The following ENTHD1 variants were observed in gnomAD, a reference collection of about 807,000 sequenced individuals.
The protein encoded by ENTHD1 is ENTH domain containing 1, also known as ENTH domain-containing protein 1.
ENTHD1 carries 23 observed loss-of-function variants against 39.1 expected under a neutral mutation model. The observed-to-expected ratio is 0.59, with a 90% CI of 0.42 to 0.83. The LOEUF is 0.83. ENTHD1 is among the 40% of genes least tolerant of loss of function. The pLI, the probability that ENTHD1 is intolerant of heterozygous loss-of-function variation, is 0.00. For synonymous variants in ENTHD1, 230 were observed against 258.2 expected, an observed-to-expected ratio of 0.89 and a Z score of 1.05; for missense variants, 624 against 705.4, an observed-to-expected ratio of 0.88 and a Z score of 1.31.
At chr22:39,864,488 A>T (rs889930718) in intron 2 of ENTHD1, among the ~76,000 whole-genome samples, 2 of 152,090 alleles carry the variant, frequency 1.3e-5, no homozygotes, top group African/African-American at 4.8e-5. Flanking sequence ...CGCATTTATC[A>T]TTACCTAATA....
intron 2 of ENTHD1, among the ~76,000 whole-genome samples, chr22:39,870,533 A>G (rs1434047024): frequency 6.6e-6 from 1 of 152,188 alleles, no homozygotes; most frequent in African/African-American, 2.4e-5. Flanking sequence ...ATGATCTCCA[A>G]AGACGAAGTA....
intron 5 of ENTHD1, among the ~76,000 whole-genome samples, chr22:39,782,038 G>T (rs9941939): frequency 0.06 from 9,191 of 152,246 alleles, 383 homozygotes; most frequent in South Asian, 0.12. Context: ...TGTAATCCCA[G>T]CACTTTGAGA....
At chr22:39,888,193 G>A (rs1273848457) in intron 1 of ENTHD1, among the ~76,000 whole-genome samples, 1 of 151,306 alleles carries the variant, frequency 6.6e-6, no homozygotes, top group African/African-American at 2.4e-5. Context: ...AGCATTACAT[G>A]GACAGCAGAC....
intron 3 of ENTHD1, among the ~76,000 whole-genome samples, chr22:39,838,112 TGACA>T (rs1371466838): frequency 6.6e-6 from 1 of 152,230 alleles, no homozygotes; most frequent in East Asian, 1.9e-4. Context: ...AAAATTGTAT[TGACA>T]GATATACTGC....
rs1555930040 is a variant in ENTHD1 at position 39,812,025 on chromosome 22, A to AAC, written c.832+8967_832+8968insGT. 5.1e-3 allele frequency among the ~76,000 whole-genome samples: 757 copies of AAC among 149,034 alleles called. 6 individuals are homozygous for AAC. The highest frequency in any genetic ancestry group is 0.028 in the Middle Eastern group (8 of 290). On this transcript the variant is annotated intron_variant, in intron 5 of 6. Transcript: ENST00000325157. ...AAACAAACAAACAAACAAAAAAAAA[A>AAC]CGACATAGATGAAACCAGTCCTGAA...
Position 39,868,389 on chromosome 22 carries a change from G to T in ENTHD1, c.350-6382C>A, listed in dbSNP as rs541829508. 2.0e-5 allele frequency among the ~76,000 whole-genome samples: 3 copies of T among 150,436 alleles called. No homozygotes were observed. In the South Asian group the frequency reaches 6.3e-4, roughly 32 times the overall value. ...AAAAGGAAGGAAATGAACATGAGTG[G>T]TTGTGGGAAAAAATCTCCCACTCAA... On this transcript the variant is annotated intron_variant, in intron 2 of 6. Transcript: ENST00000325157.
intron 3 of ENTHD1, among the ~76,000 whole-genome samples, chr22:39,836,780 G>A (rs1224176543): frequency 6.6e-6 from 1 of 152,128 alleles, no homozygotes; most frequent in Non-Finnish European, 1.5e-5. Context: ...GGATTCTCAT[G>A]AGAGCTGGTT....
chr22:39,845,159 C>T (rs1025459673), intron 3 of ENTHD1, among the ~76,000 whole-genome samples: 2 of 150,740 alleles, frequency 1.3e-5, no homozygotes, highest in African/African-American at 4.9e-5. Context: ...CAAGAAATCA[C>T]TAAGTGTTTC....
At chr22:39,757,548 G>A (rs1045242092) in intron 6 of ENTHD1, among the ~76,000 whole-genome samples, 4 of 152,000 alleles carry the variant, frequency 2.6e-5, no homozygotes, top group African/African-American at 4.8e-5. Context: ...ATGGTGGCAC[G>A]TGCCTGTAAT....
intron 2 of ENTHD1, among the ~76,000 whole-genome samples, chr22:39,885,593 C>A (rs1399448234): frequency 6.6e-6 from 1 of 152,162 alleles, no homozygotes; most frequent in African/African-American, 2.4e-5. Flanking sequence ...AGTCCATCAA[C>A]AGATGAGTAA....
intron 4 of ENTHD1, among the ~76,000 whole-genome samples, chr22:39,831,064 G>A (rs957544569): frequency 6.6e-6 from 1 of 152,214 alleles, no homozygotes; most frequent in Admixed American, 6.5e-5. Context: ...AACTGCTGAA[G>A]GCTACAGTGT....
chr22:39,885,486 A>G (rs1176590559), intron 2 of ENTHD1, among the ~76,000 whole-genome samples: 2 of 152,208 alleles, frequency 1.3e-5, no homozygotes, highest in Non-Finnish European at 2.9e-5. Context: ...ATGATCCAAC[A>G]ATTCCACTCC....
chr22:39,832,087 G>GCTCC (rs2065873605), intron 4 of ENTHD1, among the ~76,000 whole-genome samples: 1 of 152,192 alleles, frequency 6.6e-6, no homozygotes, highest in African/African-American at 2.4e-5. Context: ...GGAGGCCAAG[G>GCTCC]CGGGAGGATC....
At chr22:39,746,757 G>A (rs1247210627) in intron 6 of ENTHD1, among the ~76,000 whole-genome samples, 1 of 152,126 alleles carries the variant, frequency 6.6e-6, no homozygotes, top group Non-Finnish European at 1.5e-5. Context: ...AGGGGGAGGG[G>A]GCTGCAGCAT....
intron 5 of ENTHD1, among the ~76,000 whole-genome samples, chr22:39,787,973 C>T (rs930211333): frequency 6.6e-6 from 1 of 152,084 alleles, no homozygotes; most frequent in Non-Finnish European, 1.5e-5. Context: ...TTCTAAGGCC[C>T]TTAAGATTCC....
At chr22:39,879,122 A>G (rs2066314005) in intron 2 of ENTHD1, among the ~76,000 whole-genome samples, 2 of 152,074 alleles carry the variant, frequency 1.3e-5, no homozygotes, top group African/African-American at 4.8e-5. Flanking sequence ...AAAAACAAAC[A>G]ACCTGACTTA....
At chr22:39,817,583 C>T (rs900891128) in intron 5 of ENTHD1, among the ~76,000 whole-genome samples, 2 of 152,258 alleles carry the variant, frequency 1.3e-5, no homozygotes, top group African/African-American at 2.4e-5. Flanking sequence ...GGTAATAGTT[C>T]ACTCTGCGGA....
intron 2 of ENTHD1, among the ~76,000 whole-genome samples, chr22:39,878,541 C>G (rs1350300249): frequency 6.7e-6 from 1 of 149,236 alleles, no homozygotes; most frequent in African/African-American, 2.5e-5. Context: ...CAAAAAACAC[C>G]TTACGTATAG....
At chr22:39,785,019 A>G (rs1203716010) in intron 5 of ENTHD1, among the ~76,000 whole-genome samples, 2 of 152,218 alleles carry the variant, frequency 1.3e-5, no homozygotes, top group African/African-American at 4.8e-5. Context: ...TAAATGTATC[A>G]ACTTATCACA....
Sources: gnomAD v4.1 joint callset for allele counts (sites outside exome capture counted in the v4.1 genomes callset) on GRCh38, gnomAD v4.1.1 for gene constraint, MANE v1.5 for transcripts, NCBI Gene and HGNC (gene_info 2026-07-23, HGNC 2026-07-21) for gene names.